IPCEF1: variants seen among roughly 807,000 people sequenced by gnomAD.
The protein encoded by IPCEF1 is interactor protein for cytohesin exchange factors 1.
In IPCEF1, 31 loss-of-function variants were observed where a neutral mutation model predicts 50.9. The observed-to-expected ratio is 0.61, with a 90% CI of 0.46 to 0.82. The LOEUF is 0.82. Ranked by LOEUF, IPCEF1 falls within the 40% of genes least tolerant of loss-of-function variation. IPCEF1 has a pLI of 0.00. For missense variants in IPCEF1, 458 were observed against 514.0 expected (o/e 0.89, Z 1.05); for synonymous variants, 181 against 192.0 (o/e 0.94, Z 0.47).
intron 5 of IPCEF1, among the ~76,000 whole-genome samples, chr6:154,228,203 CG>C (rs1562554332): frequency 6.6e-6 from 1 of 151,992 alleles, no homozygotes; most frequent in East Asian, 1.9e-4. Context: ...GGGTGGCTCA[CG>C]CCTGTAATCC....
chr6:154,195,179 G>T (rs549719835), intron 10 of IPCEF1, among the ~76,000 whole-genome samples: 1 of 126,964 alleles, frequency 7.9e-6, no homozygotes. Flanking sequence ...ACAGAATCTC[G>T]CTCTGTCACC....
chr6:154,292,201 A>G (rs1583954641), intron 1 of IPCEF1, among the ~76,000 whole-genome samples: 1 of 152,176 alleles, frequency 6.6e-6, no homozygotes, highest in South Asian at 2.1e-4. Flanking sequence ...ACACCCCTCA[A>G]TATGGATTTG....
chr6:154,268,823 A>G (rs965592225), intron 2 of IPCEF1, among the ~76,000 whole-genome samples: 5 of 151,808 alleles, frequency 3.3e-5, no homozygotes, highest in African/African-American at 1.2e-4. Flanking sequence ...CTTTTTCTCA[A>G]CAGTCACCAC....
chr6:154,303,078 T>C (rs1362807529), intron 1 of IPCEF1, among the ~76,000 whole-genome samples: 1 of 147,838 alleles, frequency 6.8e-6, no homozygotes, highest in Non-Finnish European at 1.5e-5. Flanking sequence ...AACTATATTA[T>C]AGCTATGATA....
chr6:154,195,773 A>G (rs1161121235), intron 10 of IPCEF1, among the ~76,000 whole-genome samples: 1 of 148,864 alleles, frequency 6.7e-6, no homozygotes, highest in Admixed American at 6.7e-5. Context: ...TTTAGACCAG[A>G]ATTGTACCTT....
intron 3 of IPCEF1, among the ~76,000 whole-genome samples, chr6:154,257,671 T>A: frequency 6.6e-6 from 1 of 152,034 alleles, no homozygotes; most frequent in South Asian, 2.1e-4. Context: ...TTTGCTTTTT[T>A]GTTTTGTTTT....
chr6:154,356,047 T>C (rs1352212521), intron 1 of IPCEF1, among the ~76,000 whole-genome samples: 1 of 152,192 alleles, frequency 6.6e-6, no homozygotes, highest in Non-Finnish European at 1.5e-5. Context: ...TCAAGACTAA[T>C]AGAGCCCACT....
At chr6:154,245,741 C>T (rs961045524) in intron 5 of IPCEF1, among the ~76,000 whole-genome samples, 2 of 152,206 alleles carry the variant, frequency 1.3e-5, no homozygotes, top group Non-Finnish European at 2.9e-5. Context: ...AAGGGACTCA[C>T]ACTCTCCTGA....
intron 10 of IPCEF1, among the ~76,000 whole-genome samples, chr6:154,196,720 A>G (rs1776651257): frequency 6.6e-6 from 1 of 152,238 alleles, no homozygotes; most frequent in Non-Finnish European, 1.5e-5. Context: ...TGAACATGTC[A>G]TTAACCCTCT....
intron 5 of IPCEF1, among the ~76,000 whole-genome samples, chr6:154,243,617 T>C (rs993042524): frequency 7.9e-5 from 12 of 151,944 alleles, no homozygotes; most frequent in African/African-American, 2.9e-4. Context: ...CAAAGGAGAG[T>C]TGCCCTAAAT....
rs181104030 is a variant in IPCEF1 at position 154,236,978 on chromosome 6, A to G, written c.246+9613T>C. Among the ~76,000 whole-genome samples, 662 of 152,264 alleles carry G rather than the reference A, an allele frequency of 4.3e-3. 6 individuals are homozygous for G. The highest frequency in any genetic ancestry group is 0.015 in the African/African-American group (637 of 41,544). On this transcript the variant is annotated intron_variant, in intron 5 of 11. Coordinates refer to ENST00000367220, the MANE Select transcript of IPCEF1 (RefSeq NM_001130700.2). ...ATTCTGACTCCTTACAGAAATATTC[A>G]ATATTTGTTTAAACTTTCCTCTCTA...
chr6:154,266,068 A>C, intron 2 of IPCEF1, 104 bp from the exon 3 acceptor site: 1 of 681,818 alleles, frequency 1.5e-6, no homozygotes, highest in Non-Finnish European at 2.5e-6. Context: ...GTGATTAATC[A>C]ATTTTACAAT....
intron 1 of IPCEF1, among the ~76,000 whole-genome samples, chr6:154,320,305 C>A (rs1265809951): frequency 6.6e-5 from 10 of 152,134 alleles, no homozygotes; most frequent in Admixed American, 5.2e-4. Context: ...TAATTCAAAA[C>A]CTTGCCTTTT....
chr6:154,225,910 T>C (rs1431847011), intron 5 of IPCEF1, among the ~76,000 whole-genome samples: 1 of 152,200 alleles, frequency 6.6e-6, no homozygotes, highest in African/African-American at 2.4e-5. Flanking sequence ...TCCACCCGCG[T>C]TGCTAAATCC....
rs1019127254 is a variant in IPCEF1 at position 154,324,876 on chromosome 6, G to A, written c.-62+31796C>T. On this transcript the variant is annotated intron_variant, in intron 1 of 11. Coordinates refer to ENST00000367220, the MANE Select transcript of IPCEF1 (RefSeq NM_001130700.2). ...TAGCAAATGTGACTACATAAAATAC[G>A]TTTGAGGGTTTTTTTCCAGCATGGA... is the stretch of plus-strand genomic sequence containing the variant. Among the ~76,000 whole-genome samples, 15 of 98,772 alleles carry A rather than the reference G, an allele frequency of 1.5e-4. 1 individual carries two copies. Among genetic ancestry groups the A allele is most frequent in the Admixed American group, 2.0e-4 (2 of 9,952 alleles). The allele number at this position is 98,772 out of a possible 152,430, so 64.8% of individuals were successfully genotyped here.
At chr6:154,247,547 AAG>A (rs1781160211) in intron 3 of IPCEF1, 59 bp from the exon 4 acceptor site, 1 of 1,483,872 alleles carries the variant, frequency 6.7e-7, no homozygotes, top group Admixed American at 1.7e-5. Context: ...AACATTTGTA[AAG>A]AGAGAAGGAG....
chr6:154,315,685 C>T (rs556794388), intron 1 of IPCEF1, among the ~76,000 whole-genome samples: 5 of 152,190 alleles, frequency 3.3e-5, no homozygotes, highest in African/African-American at 9.6e-5. Flanking sequence ...CACTAGCATC[C>T]CTGTATTTGG....
At chr6:154,191,034 C>T (rs182719013) in intron 10 of IPCEF1, among the ~76,000 whole-genome samples, 35 of 151,770 alleles carry the variant, frequency 2.3e-4, no homozygotes, top group Admixed American at 5.9e-4. Flanking sequence ...GCAGCCTGGA[C>T]GACAGAGAGA....
intron 5 of IPCEF1, among the ~76,000 whole-genome samples, chr6:154,239,924 A>T (rs1032595558): frequency 2.0e-5 from 3 of 151,398 alleles, no homozygotes; most frequent in Admixed American, 6.6e-5. Flanking sequence ...CTGATCTTGA[A>T]CTCCTGACCT....
Sources: gnomAD v4.1 joint callset for allele counts (sites outside exome capture counted in the v4.1 genomes callset) on GRCh38, gnomAD v4.1.1 for gene constraint, MANE v1.5 for transcripts, NCBI Gene and HGNC (gene_info 2026-07-23, HGNC 2026-07-21) for gene names.